Variants in CD99 observed in about 807,000 individuals in gnomAD.
CD99 encodes CD99 molecule (Xg blood group), also known as CD99 antigen.
A neutral mutation model predicts 28.4 loss-of-function variants in CD99; 19 were observed. The observed-to-expected ratio is 0.67, with a 90% CI of 0.47 to 0.98. The LOEUF is 0.98. Ranked by LOEUF, CD99 falls within the 50% of genes least tolerant of loss-of-function variation. The probability of loss-of-function intolerance (pLI) is 0.00; values close to 1 mark genes in which losing one functional copy is unlikely to be tolerated. For missense variants in CD99, 283 were observed against 248.8 expected (o/e 1.14, Z -0.92); for synonymous variants, 103 against 92.1 (o/e 1.12, Z -0.67).
intron 1 of CD99, among the ~76,000 whole-genome samples, chrX:2,705,403 C>G (rs2048068066): frequency 6.6e-6 from 1 of 152,188 alleles, no homozygotes; most frequent in African/African-American, 2.4e-5. Flanking sequence ...AAGCTCTTTT[C>G]TGTAATTTTA....
intron 2 of CD99, among the ~76,000 whole-genome samples, chrX:2,716,016 A>ATT (rs774911227): frequency 1.0e-4 from 13 of 129,190 alleles, no homozygotes; most frequent in East Asian, 2.2e-4. Context: ...AGCCCTCTTC[A>ATT]TTTTTTTTTT....
chrX:2,723,966 G>A (rs867267389), intron 7 of CD99, among the ~76,000 whole-genome samples: 1 of 140,712 alleles, frequency 7.1e-6, no homozygotes, highest in Non-Finnish European at 1.5e-5. Flanking sequence ...AAAAGGGAAG[G>A]AGGGAAGGAA....
chrX:2,691,513 G>C (rs1398891437), intron 1 of CD99, 86 bp downstream of exon 1: 1 of 1,413,012 alleles, frequency 7.1e-7, no homozygotes, highest in Non-Finnish European at 9.6e-7. Context: ...CGTTGGGGGC[G>C]CCCCGCGGGG....
intron 3 of CD99, chrX:2,719,318 C>T: frequency 3.4e-6 from 1 of 296,238 alleles, no homozygotes; most frequent in Non-Finnish European, 6.3e-6. Flanking sequence ...AGGAGAAAAT[C>T]ATGTGCAGGC....
At chrX:2,728,407 G>C (rs2049409626) in intron 8 of CD99, among the ~76,000 whole-genome samples, 1 of 151,840 alleles carries the variant, frequency 6.6e-6, no homozygotes, top group Admixed American at 6.6e-5. Flanking sequence ...TGTTGGTCAG[G>C]CTGGTCTCGA....
intron 2 of CD99, chrX:2,714,759 G>C (rs1411655337): frequency 3.3e-6 from 1 of 303,376 alleles, no homozygotes; most frequent in Non-Finnish European, 6.1e-6. Flanking sequence ...CGAGAGTCTG[G>C]CTTGCCACAG....
At chrX:2,702,116 AG>A (rs1432020486) in intron 1 of CD99, among the ~76,000 whole-genome samples, 1 of 152,206 alleles carries the variant, frequency 6.6e-6, no homozygotes, top group African/African-American at 2.4e-5. Flanking sequence ...ATGTGCTTAC[AG>A]ATCACCTCTG....
intron 8 of CD99, among the ~76,000 whole-genome samples, chrX:2,737,696 A>G (rs1290053550): frequency 6.6e-6 from 1 of 151,402 alleles, no homozygotes; most frequent in East Asian, 2.0e-4. Flanking sequence ...GGGTTTCACC[A>G]TGTTGGCCAG....
chrX:2,720,369 A>T lies in CD99; in HGVS notation c.207A>T (p.Pro69=). The change falls in exon 5 of 10, where the codon CCA becomes CCT. Residue 69 remains proline, a synonymous_variant. Transcript: ENST00000381192. ...VVDGENDDPR[P]PNPPKPMPNP... is the part of the protein sequence containing the mutation. ...TTTCACAAACAGACGACCCACGACCACCGAACCCACCCAAACCGATGCCAA... is the reference window on the plus strand; with the variant it reads ...TTTCACAAACAGACGACCCACGACCTCCGAACCCACCCAAACCGATGCCAA... 3 of 1,613,800 alleles carry T rather than the reference A, an allele frequency of 1.9e-6. No individual in the cohort carries two copies. Among genetic ancestry groups the T allele is most frequent in the Non-Finnish European group, 2.5e-6 (3 of 1,179,826 alleles).
At chrX:2,712,255 T>C (rs748922693) in intron 1 of CD99, among the ~76,000 whole-genome samples, 128 of 151,852 alleles carry the variant, frequency 8.4e-4, no homozygotes, top group African/African-American at 2.8e-3. Flanking sequence ...AAATGATGGG[T>C]AAAGGGTACA....
intron 1 of CD99, among the ~76,000 whole-genome samples, chrX:2,694,605 T>C (rs2047487347): frequency 6.6e-6 from 1 of 151,884 alleles, no homozygotes; most frequent in Admixed American, 6.6e-5. Flanking sequence ...ATACAAAAAT[T>C]AGCCGGGCGT....
At chrX:2,706,657 A>T (rs1216527165) in intron 1 of CD99, among the ~76,000 whole-genome samples, 4 of 151,472 alleles carry the variant, frequency 2.6e-5, no homozygotes, top group African/African-American at 9.7e-5. Context: ...TCATCCTCCC[A>T]CCCTTAATGG....
At chrX:2,731,971 A>T (rs2049632616) in intron 8 of CD99, among the ~76,000 whole-genome samples, 2 of 59,362 alleles carry the variant, frequency 3.4e-5, no homozygotes, top group African/African-American at 1.2e-4. Context: ...CAAAAAACGT[A>T]AAAAAAAAAA....
At chrX:2,720,620 C>CTTTTTTTTTT (rs71281938) in intron 5 of CD99, among the ~76,000 whole-genome samples, 196 bp downstream of exon 5, 1 of 83,920 alleles carries the variant, frequency 1.2e-5, no homozygotes, top group Non-Finnish European at 2.1e-5. Flanking sequence ...TTTTAGTTTG[C>CTTTTTTTTTT]TTTTTTTTTT....
rs141554942 is a variant in CD99, at chrX:2,732,278, C to G, written c.475+5905C>G. 5.2e-3 allele frequency among the ~76,000 whole-genome samples: 794 copies of G among 152,198 alleles called. 5 individuals carry two copies. Among genetic ancestry groups the G allele is most frequent in the African/African-American group, 0.018 (760 of 41,526 alleles). The stretch of plus-strand genomic sequence containing the variant: ...GCTCAGACCACTAACCACACGGAGC[C>G]TGACCACTTCCCACAGAGCCCAGCT... On this transcript the variant is annotated intron_variant, in intron 8 of 9. Coordinates refer to ENST00000381192, the MANE Select transcript of CD99 (RefSeq NM_002414.5).
intron 3 of CD99, among the ~76,000 whole-genome samples, chrX:2,718,457 T>C (rs1182279938): frequency 6.6e-6 from 1 of 151,598 alleles, no homozygotes; most frequent in East Asian, 1.9e-4. Context: ...CAAGCTCCGC[T>C]TCCTGGGTTC....
At chrX:2,700,202 T>A (rs183858293) in intron 1 of CD99, among the ~76,000 whole-genome samples, 317 of 152,192 alleles carry the variant, frequency 2.1e-3, no homozygotes, top group African/African-American at 7.0e-3. Flanking sequence ...CTAGTGTGAC[T>A]TGAAGGGGAG....
chrX:2,738,243 C>T lies in CD99; in HGVS notation c.519C>T (p.Asn173=), dbSNP rs370085745. 13 of 1,613,818 alleles carry T rather than the reference C, an allele frequency of 8.1e-6. No homozygotes were observed. Among genetic ancestry groups the T allele is most frequent in the East Asian group, 4.5e-5 (2 of 44,896 alleles). The change falls in exon 9 of 10, where the codon AAC becomes AAT. Residue 173 remains asparagine (N), a synonymous_variant. Coordinates refer to ENST00000381192, the MANE Select transcript of CD99 (RefSeq NM_002414.5). ...ACATGGAGAGCCACCGGAATGCCAA[C>T]GCAGAGCCAGCTGGTAAGAAGGACG... ...EVDMESHRNA[N]AEPAVQRTLL... is the part of the protein sequence containing the mutation.
chrX:2,727,399 T>TA (rs1447314039), intron 8 of CD99: 1 of 765,870 alleles, frequency 1.3e-6, no homozygotes, highest in East Asian at 2.4e-5. Flanking sequence ...ACTGGGCACT[T>TA]ACATTTAGCT....
Sources: allele counts gnomAD v4.1 joint callset (sites outside exome capture counted in the v4.1 genomes callset), GRCh38; gene constraint gnomAD v4.1.1; transcripts MANE v1.5; gene names NCBI Gene and HGNC (gene_info 2026-07-23, HGNC 2026-07-21).